ASIC2: variants seen among roughly 807,000 people sequenced by gnomAD.
ASIC2 encodes the protein acid-sensing ion channel 2.
In ASIC2, 25 loss-of-function variants were observed where a neutral mutation model predicts 57.3. The observed-to-expected ratio is 0.44, with a 90% confidence interval of 0.32 to 0.61. The LOEUF (loss-of-function observed/expected upper bound fraction) is 0.61, where lower values mean the gene tolerates loss of function less well. ASIC2 is among the 20% of genes least tolerant of loss of function. The pLI is 0.06. For missense variants in ASIC2, 641 were observed against 738.1 expected (o/e 0.87, Z 1.52); for synonymous variants, 319 against 307.5 (o/e 1.04, Z -0.39).
chr17:33,121,105 C>G (rs2092300719), intron 1 of ASIC2, among the ~76,000 whole-genome samples: 1 of 152,216 alleles, frequency 6.6e-6, no homozygotes, highest in African/African-American at 2.4e-5. Context: ...TCCGCCCAGG[C>G]AGGGAGTATT....
intron 1 of ASIC2, among the ~76,000 whole-genome samples, chr17:34,007,789 G>A (rs1409126262): frequency 6.6e-6 from 1 of 152,206 alleles, no homozygotes; most frequent in Non-Finnish European, 1.5e-5. Flanking sequence ...TTTGCAGGGT[G>A]TTCCCAAAAG....
At chr17:33,098,997 A>AATATATATATATAAAAACAAT (rs752446421) in intron 2 of ASIC2, among the ~76,000 whole-genome samples, 1 of 150,166 alleles carries the variant, frequency 6.7e-6, no homozygotes, top group Non-Finnish European at 1.5e-5. Flanking sequence ...ATAAAAACAA[A>AATATATATATATAAAAACAAT]ATATATATAT....
At chr17:33,896,961 A>G (rs955004463) in intron 1 of ASIC2, among the ~76,000 whole-genome samples, 2 of 152,234 alleles carry the variant, frequency 1.3e-5, no homozygotes, top group African/African-American at 2.4e-5. Context: ...AATGAACCAG[A>G]CAGGATAAAG....
Position 33,028,338 on chromosome 17 carries a change from C to T in ASIC2, c.1042G>A (p.Asp348Asn), listed in dbSNP as rs757867324. The change falls in exon 4 of 10, where the codon GAC (aspartate) becomes AAC (asparagine). Residue 348 changes from aspartate to asparagine, a missense_variant. By Grantham distance (23) the Asp-to-Asn change is conservative. Around this residue, in one of 3 missense-constraint regions of ASIC2, gnomAD observed 252 missense variants for 319.8 expected, o/e 0.79. Transcript: ENST00000225823. ...GTGATGCTGTAAACAGGAAAAAAGT[C>T]GAGGCCCATCTCTGAGGATCGGCAC... The part of the protein sequence containing the change: ...GECRSSEMGL[D>N]FFPVYSITAC... 28 of 1,613,960 alleles carry T rather than the reference C, an allele frequency of 1.7e-5. No homozygotes were observed. The highest frequency in any genetic ancestry group is 2.2e-5 in the East Asian group (1 of 44,892).
intron 1 of ASIC2, among the ~76,000 whole-genome samples, chr17:33,839,471 T>A (rs1223412839): frequency 6.6e-6 from 1 of 152,228 alleles, no homozygotes; most frequent in African/African-American, 2.4e-5. Flanking sequence ...CATTTATTTA[T>A]TGTCTCCCAG....
intron 1 of ASIC2, among the ~76,000 whole-genome samples, chr17:34,012,547 G>C (rs1280169759): frequency 6.6e-6 from 1 of 152,086 alleles, no homozygotes; most frequent in Non-Finnish European, 1.5e-5. Flanking sequence ...GCCCCCTTTA[G>C]GGAGCTTTTC....
intron 7 of ASIC2, 27 bp downstream of exon 7, chr17:33,021,177 CTCTATGAGATGTGGA>C: frequency 2.0e-6 from 2 of 1,017,006 alleles, no homozygotes; most frequent in Non-Finnish European, 3.1e-6. Flanking sequence ...CCCTCCCACC[CTCTATGAGATGTGGA>C]AATTTGTGCA....
chr17:33,627,516 T>A (rs923587369), intron 1 of ASIC2, among the ~76,000 whole-genome samples: 4 of 152,210 alleles, frequency 2.6e-5, no homozygotes, highest in African/African-American at 9.6e-5. Context: ...CTGCCACTGA[T>A]GAAAAGTGTC....
intron 1 of ASIC2, among the ~76,000 whole-genome samples, chr17:33,550,854 A>G (rs1915730570): frequency 6.6e-6 from 1 of 152,202 alleles, no homozygotes; most frequent in Admixed American, 6.5e-5. Flanking sequence ...GGAAAGTGAT[A>G]GTAGTGATGG....
At chr17:34,077,444 C>G (rs1909711363) in intron 1 of ASIC2, among the ~76,000 whole-genome samples, 2 of 152,114 alleles carry the variant, frequency 1.3e-5, no homozygotes, top group Non-Finnish European at 2.9e-5. Context: ...GGCTGTGAAG[C>G]CAGCAACACG....
chr17:33,828,413 T>C (rs1211394153), intron 1 of ASIC2: 1 of 152,234 alleles, frequency 6.6e-6, no homozygotes, highest in African/African-American at 2.4e-5. Flanking sequence ...CTTTTAGTCC[T>C]TGTGAGAAGG....
At chr17:33,893,408 T>C (rs1915013636) in intron 1 of ASIC2, among the ~76,000 whole-genome samples, 1 of 152,318 alleles carries the variant, frequency 6.6e-6, no homozygotes. Context: ...CCCCTCTCTG[T>C]GTCTTGATTT....
At chr17:33,521,083 A>C (rs1284584740) in intron 1 of ASIC2, among the ~76,000 whole-genome samples, 1 of 152,184 alleles carries the variant, frequency 6.6e-6, no homozygotes, top group Non-Finnish European at 1.5e-5. Context: ...AATTCTACAG[A>C]CAAGGTTCAA....
chr17:33,810,537 T>C (rs1450988336), intron 1 of ASIC2, among the ~76,000 whole-genome samples: 3 of 152,164 alleles, frequency 2.0e-5, no homozygotes, highest in Non-Finnish European at 4.4e-5. Flanking sequence ...CCCATCTCCC[T>C]TCTCTCCAAA....
Position 33,256,923 on chromosome 17 carries a change from C to T in ASIC2, c.708+34485G>A, listed in dbSNP as rs193193293. 2.2e-4 allele frequency among the ~76,000 whole-genome samples: 34 copies of T among 152,248 alleles called. No homozygotes were observed. In the East Asian group the frequency reaches 6.2e-3, roughly 28 times the overall value. On this transcript the variant is annotated intron_variant, in intron 1 of 9. Transcript: ENST00000225823. Reference sequence around the variant, plus strand: ...GGCCATTTCCCCTCCCCACTGGGTTCGCTGGGAGGTGATAGTCAGACTTAA... The same window carrying T: ...GGCCATTTCCCCTCCCCACTGGGTTTGCTGGGAGGTGATAGTCAGACTTAA...
At chr17:33,394,835 A>G (rs1387468768) in intron 1 of ASIC2, among the ~76,000 whole-genome samples, 1 of 152,152 alleles carries the variant, frequency 6.6e-6, no homozygotes, top group Admixed American at 6.5e-5. Flanking sequence ...CATATATACA[A>G]AAAGGGAAAA....
Position 33,017,654 on chromosome 17 carries a change from A to G in ASIC2, c.1472T>C (p.Ile491Thr). 1 of 1,613,880 alleles carries G rather than the reference A, an allele frequency of 6.2e-7. No individual in the cohort carries two copies. Residue 491 changes from isoleucine (I) to threonine (T), a missense_variant, in exon 8 of 10, where the codon ATT becomes ACT. Transcript: ENST00000225823. Reference protein sequence around the residue: ...GDIGGQMGLFIGASILTILEL... With the variant: ...GDIGGQMGLFTGASILTILEL... ...TAGTATTGTAAGGATACTAGCACCA[A>G]TGAACAATCCCATCTGACCACCAAT... is the stretch of plus-strand genomic sequence containing the variant.
At chr17:33,091,598 G>A (rs750720754) in intron 2 of ASIC2, among the ~76,000 whole-genome samples, 3 of 152,208 alleles carry the variant, frequency 2.0e-5, no homozygotes, top group Non-Finnish European at 2.9e-5. Flanking sequence ...ATACAGGCCT[G>A]GTGTGCCTCT....
At chr17:33,126,542 T>A (rs2092323727) in intron 1 of ASIC2, among the ~76,000 whole-genome samples, 1 of 152,098 alleles carries the variant, frequency 6.6e-6, no homozygotes, top group Non-Finnish European at 1.5e-5. Flanking sequence ...CCCAGCACTT[T>A]GGGAGGCTGA....
Sources: gnomAD v4.1 joint callset for allele counts (sites outside exome capture counted in the v4.1 genomes callset) on GRCh38, gnomAD v4.1.1 for gene constraint, gnomAD v4.1.1 regional missense constraint, MANE v1.5 for transcripts, NCBI Gene and HGNC (gene_info 2026-07-23, HGNC 2026-07-21) for gene names.